The following CEP72 variants were observed in gnomAD, a reference collection of about 807,000 sequenced individuals.
CEP72 encodes the protein centrosomal protein 72.
Under a neutral mutation model 65.7 loss-of-function variants are expected in CEP72, and 78 were observed. That is an observed-to-expected ratio of 1.19 (90% CI 0.99 to 1.43). CEP72 has a LOEUF of 1.43. CEP72 is among the 40% of genes most tolerant of loss of function. CEP72 has a pLI of 0.00. For synonymous variants in CEP72, 358 were observed against 351.7 expected (o/e 1.02, Z -0.20); for missense variants, 914 against 832.9 (o/e 1.10, Z -1.20).
chr5:619,582 G>A (rs1052588072), intron 2 of CEP72, among the ~76,000 whole-genome samples: 1 of 152,164 alleles, frequency 6.6e-6, no homozygotes, highest in African/African-American at 2.4e-5. Flanking sequence ...CGTGGGATGC[G>A]CCTGCCCTGA....
intron 11 of CEP72, among the ~76,000 whole-genome samples, chr5:648,539 ACTGTGAGG>A (rs1738596719): frequency 7.5e-6 from 1 of 133,304 alleles, no homozygotes; most frequent in Non-Finnish European, 1.6e-5. Context: ...GTGAGGTGTG[ACTGTGAGG>A]TGTGACTGTG....
chr5:654,122 T>A (rs1294528658), downstream of CEP72, among the ~76,000 whole-genome samples: 2 of 147,358 alleles, frequency 1.4e-5, no homozygotes, highest in African/African-American at 5.1e-5. Context: ...TGTGTGTGTG[T>A]GCTGTGTGTG....
In CEP72 at chr5:635,545, C is replaced by G; in HGVS notation, c.865C>G (p.Arg289Gly). Residue 289 changes from arginine to glycine, a missense_variant, in exon 6 of 12, where the codon CGT becomes GGT. Arg to Gly is a moderately radical substitution (Grantham distance 125). Coordinates refer to ENST00000264935, the MANE Select transcript of CEP72 (RefSeq NM_018140.4). ...PLYGAEPEAS[R>G]APRPHTYFTP... Reference sequence around the variant, plus strand: ...GTACGGAGCGGAGCCAGAGGCCTCCCGTGCCCCCAGGCCACACACGTACTT... The same window carrying G: ...GTACGGAGCGGAGCCAGAGGCCTCCGGTGCCCCCAGGCCACACACGTACTT... 1 of 1,613,950 alleles carries G rather than the reference C, an allele frequency of 6.2e-7. No individual in the cohort carries two copies. Among genetic ancestry groups the G allele is most frequent in the South Asian group, 1.1e-5 (1 of 91,062 alleles).
downstream of CEP72, among the ~76,000 whole-genome samples, chr5:669,732 G>A (rs1480535568): frequency 6.6e-5 from 10 of 152,072 alleles, no homozygotes; most frequent in East Asian, 9.7e-4. Context: ...CGCGCTCCCC[G>A]AGTGTCTCGG....
chr5:665,966 TC>T (rs1411844924), exon 4 of CEP72: 1 of 1,250,122 alleles, frequency 8.0e-7, no homozygotes, highest in African/African-American at 1.9e-5. Context: ...CCCGCCCTGC[TC>T]ACCGTCACCC....
At position 645,423 on chromosome 5, in the gene CEP72, C is replaced by T. The variant is rs1354548961; in HGVS notation, c.1666+998C>T. On this transcript the variant is annotated intron_variant, in intron 10 of 11. Coordinates refer to ENST00000264935, the MANE Select transcript of CEP72 (RefSeq NM_018140.4). This position sits in a 1 kb window ranked among gnomAD's most constrained non-coding sequence, Gnocchi z 4.0. ...TATTTACAACGGGTCCTTGAATAACCGTGTCCATTCAACATCATTTCGTCG... is the reference window on the plus strand; with the variant it reads ...TATTTACAACGGGTCCTTGAATAACTGTGTCCATTCAACATCATTTCGTCG... Among the ~76,000 whole-genome samples the T allele has an allele frequency of 6.0e-5, 9 of 151,114 alleles. No individual in the cohort carries two copies. The highest frequency in any genetic ancestry group is 3.3e-4 in the Admixed American group (5 of 15,216).
intron 7 of CEP72, 88 bp from the exon 8 acceptor site, chr5:639,001 G>C: frequency 6.5e-7 from 1 of 1,546,160 alleles, no homozygotes; most frequent in Admixed American, 1.7e-5. Context: ...CGTGGTGCGA[G>C]GGCATCCCAG....
rs1736639774 is a variant in CEP72, at chr5:624,792, G to A, written c.512+213G>A. Among the ~76,000 whole-genome samples the A allele has an allele frequency of 1.3e-5, 2 of 152,138 alleles. No homozygotes were observed. Among genetic ancestry groups the A allele is most frequent in the Admixed American group, 6.5e-5 (1 of 15,272 alleles). ...ATTCCTAGGAGTTATTTTTAATATC[G>A]AAACTGTTGATTAAGGTAATATGTG... On this transcript the variant is annotated intron_variant, in intron 4 of 11. Transcript: ENST00000264935. The surrounding 1 kb of genome is among the most constrained non-coding windows in gnomAD (Gnocchi z 4.7).
At chr5:640,381 A>G in intron 8 of CEP72, 27 bp from the exon 9 acceptor site, 1 of 1,605,184 alleles carries the variant, frequency 6.2e-7, no homozygotes, top group Non-Finnish European at 8.5e-7. Flanking sequence ...CCTAAGTGCT[A>G]ATGTAATATT....
In CEP72 at chr5:635,576, C is replaced by G; in HGVS notation, c.896C>G (p.Pro299Arg). ...RAPRPHTYFTPHPDSMDTEDS... is the reference protein window; with the variant it reads ...RAPRPHTYFTRHPDSMDTEDS... ...CCCAGGCCACACACGTACTTCACCC[C>G]ACACCCAGGTACTTACGCGTGTCTT... The change falls in exon 6 of 12, where the codon CCA (proline) becomes CGA (arginine). Residue 299 changes from proline to arginine, a missense_variant. Pro to Arg is a moderately radical substitution (Grantham distance 103). Coordinates refer to ENST00000264935, the MANE Select transcript of CEP72 (RefSeq NM_018140.4). 1 of 1,611,402 alleles carries G rather than the reference C, an allele frequency of 6.2e-7. No homozygotes were observed. The highest frequency in any genetic ancestry group is 8.5e-7 in the Non-Finnish European group (1 of 1,177,924).
chr5:631,613 C>T (rs867458127), intron 4 of CEP72, among the ~76,000 whole-genome samples: 6 of 35,470 alleles, frequency 1.7e-4, no homozygotes, highest in East Asian at 1.0e-3. Context: ...TTGGACCAGT[C>T]CTGGTGGGGT....
At chr5:646,307 T>C (rs1295420858) in intron 10 of CEP72, among the ~76,000 whole-genome samples, 4 of 152,258 alleles carry the variant, frequency 2.6e-5, no homozygotes, top group Non-Finnish European at 4.4e-5. Context: ...ACTTACGTTG[T>C]TTTTTCGTTT....
chr5:656,398 G>A (rs902508738), downstream of CEP72, among the ~76,000 whole-genome samples: 1 of 152,150 alleles, frequency 6.6e-6, no homozygotes, highest in Non-Finnish European at 1.5e-5. Flanking sequence ...TGCAGTACTG[G>A]GTTTTACAAG....
At chr5:662,549 G>C (rs566750554) in intron 1 of CEP72, 1 of 152,582 alleles carries the variant, frequency 6.6e-6, no homozygotes, top group Admixed American at 6.5e-5. Flanking sequence ...GCCAGGCTCA[G>C]CTCCAGGGCG....
chr5:627,233 C>CT (rs1317828306), intron 4 of CEP72, among the ~76,000 whole-genome samples: 12 of 152,252 alleles, frequency 7.9e-5, no homozygotes, highest in Non-Finnish European at 1.6e-4. Flanking sequence ...AATTGGTCGT[C>CT]TCATCTGAGT....
intron 1 of CEP72, among the ~76,000 whole-genome samples, chr5:615,545 A>G (rs79191405): frequency 1.3e-5 from 2 of 152,112 alleles, no homozygotes; most frequent in East Asian, 1.9e-4. Flanking sequence ...ATCTTTTCCT[A>G]TCCATTGCTT....
intron 9 of CEP72, chr5:642,470 T>C (rs569150685): frequency 1.0e-6 from 1 of 985,478 alleles, no homozygotes; most frequent in East Asian, 1.1e-4. Flanking sequence ...GATGATGTCT[T>C]TTCTGTGGGA....
intron 1 of CEP72, among the ~76,000 whole-genome samples, chr5:617,273 T>C (rs1163726728): frequency 6.6e-6 from 1 of 152,176 alleles, no homozygotes; most frequent in South Asian, 2.1e-4. Flanking sequence ...TTGTTCCGTA[T>C]ATTTTCCTCC....
intron 4 of CEP72, among the ~76,000 whole-genome samples, chr5:626,209 G>T (rs1736748973): frequency 6.6e-6 from 1 of 152,058 alleles, no homozygotes; most frequent in African/African-American, 2.4e-5. Context: ...TTCCAGATCG[G>T]TATACCTTTT....
Sources: gnomAD v4.1 joint callset for allele counts (sites outside exome capture counted in the v4.1 genomes callset) on GRCh38, gnomAD v4.1.1 for gene constraint, Gnocchi (gnomAD v3.1) non-coding constraint, MANE v1.5 for transcripts, NCBI Gene and HGNC (gene_info 2026-07-23, HGNC 2026-07-21) for gene names.